The following FAM135B variants were observed in gnomAD, a reference collection of about 807,000 sequenced individuals.
FAM135B encodes the protein family with sequence similarity 135 member B, also known as protein FAM135B.
A neutral mutation model predicts 127.7 loss-of-function variants in FAM135B; 43 were observed. That is an observed-to-expected ratio of 0.34 (90% CI 0.26 to 0.43). FAM135B has a LOEUF of 0.43. Ranked by LOEUF, FAM135B falls within the 20% of genes least tolerant of loss-of-function variation. FAM135B has a pLI of 1.00. For missense variants in FAM135B, 1,558 were observed against 1,725.6 expected (o/e 0.90, Z 1.72); for synonymous variants, 670 against 665.1 (o/e 1.01, Z -0.11).
rs1473226559 is a variant in FAM135B at position 138,151,386 on chromosome 8, A to G, written c.3089T>C (p.Val1030Ala). 4 of 1,613,688 alleles carry G rather than the reference A, an allele frequency of 2.5e-6. 1 individual carries two copies. In the South Asian group the frequency reaches 4.4e-5, roughly 18 times the overall value. Residue 1030 changes from valine (V) to alanine (A), a missense_variant, in exon 13 of 20, where the codon GTT becomes GCT. Around this residue, in one of 5 missense-constraint regions of FAM135B, gnomAD observed 923 missense variants for 865.3 expected, o/e 1.07. Coordinates refer to ENST00000395297, the MANE Select transcript of FAM135B (RefSeq NM_015912.4). ...FTLDSLKAVE[V>A]VNLSVSCTAT... ...AGTGCAAGACACAGATAAGTTCACA[A>G]CCTCCACAGCCTTCAGGCTGTCCAG...
chr8:138,289,664 G>A (rs72723689), intron 3 of FAM135B, among the ~76,000 whole-genome samples: 5,414 of 152,184 alleles, frequency 0.036, 144 homozygotes, highest in Non-Finnish European at 0.053. Context: ...GGAATCTGTG[G>A]TTGCATTTCT....
At chr8:138,381,673 C>T (rs890986323) in intron 1 of FAM135B, among the ~76,000 whole-genome samples, 3 of 152,224 alleles carry the variant, frequency 2.0e-5, no homozygotes, top group African/African-American at 7.2e-5. Flanking sequence ...AAACCCATTA[C>T]TCTCCTTTCT....
rs55837421 is a variant in FAM135B at position 138,242,165 on chromosome 8, T to TTGTGTGTGTGTGTG, written c.669+763_669+776dup. Among the ~76,000 whole-genome samples the TTGTGTGTGTGTGTG allele has an allele frequency of 1.5e-5, 2 of 129,994 alleles. No individual in the cohort carries two copies. The highest frequency in any genetic ancestry group is 5.9e-5 in the African/African-American group (2 of 34,012). The allele number at this position is 129,994 out of a possible 152,430, so 85.3% of individuals were successfully genotyped here. On this transcript the variant is annotated intron_variant, in intron 7 of 19. Coordinates refer to ENST00000395297, the MANE Select transcript of FAM135B (RefSeq NM_015912.4). The surrounding 1 kb of genome is among the most constrained non-coding windows in gnomAD (Gnocchi z 9.6). Reference sequence around the variant, plus strand: ...AGTCAATTACTTATGATAAATCTCTTTGTGTGTGTGTGTGTGTGTGTGTGT... The same window carrying TTGTGTGTGTGTGTG: ...AGTCAATTACTTATGATAAATCTCTTTGTGTGTGTGTGTGTGTGTGTGTGTGTGTGTGTGTGTGT...
intron 1 of FAM135B, among the ~76,000 whole-genome samples, chr8:138,481,846 A>G (rs1291555214): frequency 6.6e-6 from 1 of 152,158 alleles, no homozygotes; most frequent in Non-Finnish European, 1.5e-5. Context: ...AGAAACCAAC[A>G]TTTTACCATG....
chr8:138,354,213 TTATC>T (rs1312382291), intron 2 of FAM135B, among the ~76,000 whole-genome samples: 2 of 152,138 alleles, frequency 1.3e-5, no homozygotes, highest in Non-Finnish European at 2.9e-5. Context: ...TAGTCTTCCT[TTATC>T]TATAGATACA....
In FAM135B at chr8:138,227,804, T is replaced by C. The variant is rs866484828; in HGVS notation, c.669+15138A>G. Among the ~76,000 whole-genome samples, 5 of 150,450 alleles carry C rather than the reference T, an allele frequency of 3.3e-5. No individual in the cohort carries two copies. In the South Asian group the frequency reaches 6.3e-4, roughly 19 times the overall value. On this transcript the variant is annotated intron_variant, in intron 7 of 19. Coordinates refer to ENST00000395297, the MANE Select transcript of FAM135B (RefSeq NM_015912.4). ...ATATGAGGTCTGCTCTCTCAACAAA[T>C]TTTTAAGTGTACAATACAGTATTGT...
chr8:138,291,122 C>T (rs576050994), intron 3 of FAM135B, among the ~76,000 whole-genome samples: 1 of 152,278 alleles, frequency 6.6e-6, no homozygotes, highest in South Asian at 2.1e-4. Context: ...TTCAAAAACA[C>T]CACATGCAGA....
intron 3 of FAM135B, among the ~76,000 whole-genome samples, chr8:138,266,680 C>G (rs548798056): frequency 1.0e-4 from 15 of 149,562 alleles, no homozygotes; most frequent in African/African-American, 3.4e-4. Context: ...ATAAATAGCA[C>G]TGCCCAGGGT....
chr8:138,257,271 C>T (rs1035209164), intron 4 of FAM135B, among the ~76,000 whole-genome samples: 1 of 152,150 alleles, frequency 6.6e-6, no homozygotes, highest in Admixed American at 6.5e-5. Flanking sequence ...AAAGTGGTCA[C>T]TTCTTCAGGC....
At chr8:138,472,878 C>T (rs188443309) in intron 1 of FAM135B, among the ~76,000 whole-genome samples, 94 of 152,184 alleles carry the variant, frequency 6.2e-4, no homozygotes, top group Non-Finnish European at 9.3e-4. Context: ...TGATTGACAC[C>T]GCCTGATGTC....
At chr8:138,155,371 G>A (rs542270433) in intron 12 of FAM135B, among the ~76,000 whole-genome samples, 1 of 152,208 alleles carries the variant, frequency 6.6e-6, no homozygotes, top group African/African-American at 2.4e-5. Flanking sequence ...TCGATGCTGG[G>A]AAGAAGCTGC....
chr8:138,206,399 A>ACAACTC (rs1817609873), intron 7 of FAM135B, among the ~76,000 whole-genome samples: 7 of 149,406 alleles, frequency 4.7e-5, no homozygotes, highest in African/African-American at 9.9e-5. Flanking sequence ...CCACCTACAC[A>ACAACTC]CAGCTCTATC....
At chr8:138,364,157 C>G (rs901023281) in intron 2 of FAM135B, among the ~76,000 whole-genome samples, 1 of 152,154 alleles carries the variant, frequency 6.6e-6, no homozygotes, top group African/African-American at 2.4e-5. Flanking sequence ...GGAACACTTG[C>G]TGGATAAAGT....
At chr8:138,283,866 C>T (rs1330075382) in intron 3 of FAM135B, among the ~76,000 whole-genome samples, 1 of 151,820 alleles carries the variant, frequency 6.6e-6, no homozygotes, top group Admixed American at 6.6e-5. Flanking sequence ...TGAGTTGAAG[C>T]TTCTGGGTCC....
At chr8:138,335,805 T>C (rs1455837137) in intron 2 of FAM135B, among the ~76,000 whole-genome samples, 5 of 152,132 alleles carry the variant, frequency 3.3e-5, no homozygotes, top group Admixed American at 2.0e-4. Context: ...GAATATACAC[T>C]CTTCTCAGCA....
intron 3 of FAM135B, among the ~76,000 whole-genome samples, chr8:138,303,695 T>A (rs1007364978): frequency 1.3e-5 from 2 of 152,194 alleles, no homozygotes; most frequent in African/African-American, 4.8e-5. Context: ...TCCTGCCAGA[T>A]GTGGCAGGGG....
chr8:138,142,978 C>T (rs772339459), intron 16 of FAM135B, 34 bp downstream of exon 16: 3 of 1,123,676 alleles, frequency 2.7e-6, no homozygotes, highest in African/African-American at 1.5e-5. Flanking sequence ...CCCCCCTCTT[C>T]CCCCAGCATT....
chr8:138,134,740 A>C (rs1816490247), intron 19 of FAM135B, among the ~76,000 whole-genome samples: 1 of 152,166 alleles, frequency 6.6e-6, no homozygotes, highest in Non-Finnish European at 1.5e-5. Context: ...CAAGTCTCCC[A>C]ATCTGTTTAA....
chr8:138,200,966 G>C (rs539524196), intron 7 of FAM135B, among the ~76,000 whole-genome samples: 4 of 152,264 alleles, frequency 2.6e-5, no homozygotes, highest in East Asian at 3.9e-4. Context: ...GGGCTGATGC[G>C]AGCTTGTCCT....
Sources: gnomAD v4.1 joint callset for allele counts (sites outside exome capture counted in the v4.1 genomes callset) on GRCh38, gnomAD v4.1.1 for gene constraint, gnomAD v4.1.1 regional missense constraint, Gnocchi (gnomAD v3.1) non-coding constraint, MANE v1.5 for transcripts, NCBI Gene and HGNC (gene_info 2026-07-23, HGNC 2026-07-21) for gene names.